PDE1A: variants seen among roughly 807,000 people sequenced by gnomAD.
The protein encoded by PDE1A is phosphodiesterase 1A, also known as dual specificity calcium/calmodulin-dependent 3',5'-cyclic nucleotide phosphodiesterase 1A.
PDE1A carries 35 observed loss-of-function variants against 61.7 expected under a neutral mutation model. The ratio of observed to expected loss-of-function variants is 0.57; its 90% CI spans 0.43 to 0.75. The LOEUF (loss-of-function observed/expected upper bound fraction) is 0.75, where lower values mean the gene tolerates loss of function less well. Among genes scored for constraint, PDE1A ranks in the 30% least tolerant of loss-of-function variants. The probability of loss-of-function intolerance (pLI) is 0.00; values close to 1 mark genes in which losing one functional copy is unlikely to be tolerated. For synonymous variants in PDE1A, 232 were observed against 213.2 expected, an observed-to-expected ratio of 1.09 and a Z score of -0.77; for missense variants, 597 against 630.6, an observed-to-expected ratio of 0.95 and a Z score of 0.57.
upstream of PDE1A, among the ~76,000 whole-genome samples, chr2:182,527,228 A>C (rs1690784897): frequency 1.4e-5 from 2 of 144,384 alleles, no homozygotes; most frequent in South Asian, 4.5e-4. Flanking sequence ...GCACTTTGGG[A>C]GGCCAAAGCA....
intron 2 of PDE1A, among the ~76,000 whole-genome samples, chr2:182,440,638 A>T (rs1428116567): frequency 1.3e-5 from 2 of 152,108 alleles, no homozygotes; most frequent in Non-Finnish European, 2.9e-5. Context: ...AATTAACAGT[A>T]CATAAAACTT....
the PDE1A span, among the ~76,000 whole-genome samples, chr2:182,642,354 T>A: frequency 1.3e-5 from 2 of 152,208 alleles, no homozygotes; most frequent in African/African-American, 2.4e-5. Flanking sequence ...TTCTCTTTCC[T>A]CCTTGACTTT....
chr2:182,699,608 G>A, the PDE1A span, among the ~76,000 whole-genome samples: 2 of 152,128 alleles, frequency 1.3e-5, no homozygotes, highest in Non-Finnish European at 2.9e-5. Context: ...AGAGTATGTA[G>A]AATTTTAGAT....
intron 2 of PDE1A, among the ~76,000 whole-genome samples, chr2:182,263,958 T>C (rs1054501392): frequency 3.3e-5 from 5 of 152,182 alleles, no homozygotes; most frequent in African/African-American, 1.2e-4. Flanking sequence ...GGGAAAATCC[T>C]TACATCAGTG....
chr2:182,495,871 T>C (rs570601750), intron 2 of PDE1A, among the ~76,000 whole-genome samples: 12 of 152,338 alleles, frequency 7.9e-5, no homozygotes, highest in African/African-American at 2.9e-4. Flanking sequence ...TAGTCCAATG[T>C]CAGTATAATT....
At chr2:182,413,245 TA>T (rs1173400289) in intron 1 of PDE1A, among the ~76,000 whole-genome samples, 1 of 152,104 alleles carries the variant, frequency 6.6e-6, no homozygotes, top group Non-Finnish European at 1.5e-5. Flanking sequence ...CATGGCAAAT[TA>T]CAAATGAAAG....
At chr2:182,603,189 C>T in the PDE1A span, among the ~76,000 whole-genome samples, 5 of 152,068 alleles carry the variant, frequency 3.3e-5, no homozygotes, top group African/African-American at 1.2e-4. Context: ...TTTATTGTTT[C>T]TAGAAATTCT....
At chr2:182,235,120 G>T (rs1380068947) in intron 3 of PDE1A, among the ~76,000 whole-genome samples, 2 of 152,018 alleles carry the variant, frequency 1.3e-5, no homozygotes, top group Non-Finnish European at 2.9e-5. Flanking sequence ...AACAAAAGTG[G>T]TTTTTTGTTT....
At chr2:182,247,402 A>G (rs2125715361) in intron 2 of PDE1A, among the ~76,000 whole-genome samples, 1 of 152,358 alleles carries the variant, frequency 6.6e-6, no homozygotes, top group Non-Finnish European at 1.5e-5. Flanking sequence ...AGGTTCATTA[A>G]GATGGTTATT....
In PDE1A at chr2:182,437,350, C is replaced by T. The variant is rs189793032; in HGVS notation, c.101+84926G>A. 3.6e-3 allele frequency among the ~76,000 whole-genome samples: 540 copies of T among 151,936 alleles called. 2 individuals carry two copies. Among genetic ancestry groups the T allele is most frequent in the Middle Eastern group, 0.01 (3 of 294 alleles). Reference sequence around the variant, plus strand: ...AAATCCTATTTGCAACCACCCAAACCGTAAAAATAATTAATTGATTAATTA... The same window carrying T: ...AAATCCTATTTGCAACCACCCAAACTGTAAAAATAATTAATTGATTAATTA... On this transcript the variant is annotated intron_variant, in intron 2 of 14. Coordinates refer to the PDE1A transcript ENST00000410103.
At chr2:182,634,258 T>A in the PDE1A span, among the ~76,000 whole-genome samples, 3 of 152,308 alleles carry the variant, frequency 2.0e-5, no homozygotes, top group Middle Eastern at 3.4e-3. Context: ...ATTTTCTAGT[T>A]TTTTTCACGT....
intron 13 of PDE1A, among the ~76,000 whole-genome samples, chr2:182,160,008 A>C (rs913851388): frequency 6.6e-6 from 1 of 152,176 alleles, no homozygotes; most frequent in African/African-American, 2.4e-5. Context: ...CTTTATATAC[A>C]TTGACTCATT....
chr2:182,380,569 T>A (rs1337985394), intron 1 of PDE1A, among the ~76,000 whole-genome samples: 5 of 152,214 alleles, frequency 3.3e-5, no homozygotes, highest in Non-Finnish European at 1.5e-5. Context: ...CAATTTAAAA[T>A]TTATCTTCAA....
intron 2 of PDE1A, among the ~76,000 whole-genome samples, chr2:182,465,738 A>G (rs996452232): frequency 6.6e-6 from 1 of 152,046 alleles, no homozygotes; most frequent in Non-Finnish European, 1.5e-5. Context: ...CATGGAAGAT[A>G]TTTCTTAATA....
chr2:182,674,495 A>C, the PDE1A span, among the ~76,000 whole-genome samples: 1 of 152,094 alleles, frequency 6.6e-6, no homozygotes, highest in South Asian at 2.1e-4. Context: ...ATCCCTACCA[A>C]TATGAAATCT....
intron 13 of PDE1A, among the ~76,000 whole-genome samples, chr2:182,184,030 GAAAGAAAGAAAGAAAGA>G (rs1685000518): frequency 1.8e-5 from 2 of 112,000 alleles, no homozygotes; most frequent in African/African-American, 5.3e-5. Context: ...AAGAAAGAAA[GAAAGAAAGAAAGAAAGA>G]AAGAAAGAAC....
At chr2:182,364,188 G>A (rs1206946325) in intron 1 of PDE1A, among the ~76,000 whole-genome samples, 3 of 151,742 alleles carry the variant, frequency 2.0e-5, no homozygotes, top group Non-Finnish European at 4.4e-5. Flanking sequence ...GGTAACTCTG[G>A]TCTTTACAAC....
chr2:182,248,630 G>A (rs1046805332), intron 2 of PDE1A, among the ~76,000 whole-genome samples: 3 of 152,202 alleles, frequency 2.0e-5, no homozygotes, highest in Non-Finnish European at 4.4e-5. Context: ...GGCCACGGAA[G>A]GAGAGGTCAT....
intron 2 of PDE1A, among the ~76,000 whole-genome samples, chr2:182,450,698 A>G (rs1685452073): frequency 6.6e-6 from 1 of 152,074 alleles, no homozygotes. Flanking sequence ...TGCTTTGGAA[A>G]TTATAATTTC....
Sources: gnomAD v4.1 joint callset for allele counts (sites outside exome capture counted in the v4.1 genomes callset) on GRCh38, gnomAD v4.1.1 for gene constraint, MANE v1.5 for transcripts, NCBI Gene and HGNC (gene_info 2026-07-23, HGNC 2026-07-21) for gene names.